Variants in GNAZ observed in about 807,000 individuals in gnomAD.
The protein encoded by GNAZ is G protein subunit alpha z, also known as guanine nucleotide-binding protein G(z) subunit alpha.
A neutral mutation model predicts 25.4 loss-of-function variants in GNAZ; 3 were observed. That is an observed-to-expected ratio of 0.12 (90% confidence interval 0.05 to 0.30). GNAZ has a LOEUF of 0.30. Ranked by LOEUF, GNAZ falls within the 10% of genes least tolerant of loss-of-function variation. The probability of loss-of-function intolerance (pLI) is 1.00; values close to 1 mark genes in which losing one functional copy is unlikely to be tolerated. For synonymous variants in GNAZ, 211 were observed against 205.7 expected, an observed-to-expected ratio of 1.03 and a Z score of -0.22; for missense variants, 241 against 501.8, an observed-to-expected ratio of 0.48 and a Z score of 4.97.
At position 23,080,414 on chromosome 22, in the gene GNAZ, G is replaced by C. The variant is rs527337054; in HGVS notation, c.-450+9844G>C. ...CCTTCCTTTAGCAGAAGGACACTGGGAGGCCCAGCCGGGGCATAGCCTGGG... is the reference window on the plus strand; with the variant it reads ...CCTTCCTTTAGCAGAAGGACACTGGCAGGCCCAGCCGGGGCATAGCCTGGG... On this transcript the variant is annotated intron_variant, in intron 1 of 2. Transcript: ENST00000615612. Among the ~76,000 whole-genome samples the C allele has an allele frequency of 1.3e-3, 200 of 152,334 alleles. 1 individual carries two copies. Among genetic ancestry groups the C allele is most frequent in the Non-Finnish European group, 2.3e-3 (156 of 68,026 alleles).
intron 2 of GNAZ, among the ~76,000 whole-genome samples, chr22:23,097,300 T>C (rs1408120911): frequency 2.6e-5 from 4 of 152,218 alleles, no homozygotes; most frequent in Non-Finnish European, 5.9e-5. Flanking sequence ...GGTCACTCCT[T>C]GCTTCACCCA....
chr22:23,079,230 G>A (rs557122373), intron 1 of GNAZ, among the ~76,000 whole-genome samples: 64 of 152,372 alleles, frequency 4.2e-4, no homozygotes, highest in Admixed American at 7.8e-4. Flanking sequence ...CACGTGGTGT[G>A]GCTGTGTGCG....
At chr22:23,111,323 G>C (rs980387823) in intron 2 of GNAZ, among the ~76,000 whole-genome samples, 1 of 152,218 alleles carries the variant, frequency 6.6e-6, no homozygotes, top group Non-Finnish European at 1.5e-5. Flanking sequence ...AGGGGGTGCG[G>C]CCACAAATCT....
At chr22:23,107,468 G>C (rs1569179906) in intron 2 of GNAZ, among the ~76,000 whole-genome samples, 1 of 152,212 alleles carries the variant, frequency 6.6e-6, no homozygotes, top group Admixed American at 6.5e-5. Flanking sequence ...CAGGGCCTGA[G>C]AGTGTCTGAG....
intron 2 of GNAZ, among the ~76,000 whole-genome samples, chr22:23,111,148 C>T (rs1391634623): frequency 6.6e-6 from 1 of 152,226 alleles, no homozygotes; most frequent in African/African-American, 2.4e-5. Context: ...CACACTGAGC[C>T]TCTGCCGGGG....
At chr22:23,106,303 C>T (rs1269141668) in intron 2 of GNAZ, among the ~76,000 whole-genome samples, 1 of 152,260 alleles carries the variant, frequency 6.6e-6, no homozygotes, top group Non-Finnish European at 1.5e-5. Context: ...TGCTGGAGAA[C>T]AGCAGCCACC....
intron 2 of GNAZ, among the ~76,000 whole-genome samples, chr22:23,111,937 T>G (rs1476022796): frequency 6.6e-6 from 1 of 152,152 alleles, no homozygotes; most frequent in Non-Finnish European, 1.5e-5. Flanking sequence ...ACTAGGAGCA[T>G]GTTCTGAGAA....
intron 1 of GNAZ, among the ~76,000 whole-genome samples, chr22:23,070,976 G>A (rs891551738): frequency 6.6e-6 from 1 of 152,132 alleles, no homozygotes; most frequent in Non-Finnish European, 1.5e-5. Context: ...CTCCCTAGGG[G>A]GAGGATCAGG....
chr22:23,122,918 G>A (rs1225448082), intron 2 of GNAZ, among the ~76,000 whole-genome samples, 169 bp from the exon 3 acceptor site: 1 of 152,198 alleles, frequency 6.6e-6, no homozygotes, highest in African/African-American at 2.4e-5. Context: ...TTCCGTGGGA[G>A]GTGGGTGAAG....
At chr22:23,099,658 A>G (rs2069237631) in intron 2 of GNAZ, among the ~76,000 whole-genome samples, 1 of 152,192 alleles carries the variant, frequency 6.6e-6, no homozygotes, top group African/African-American at 2.4e-5. Context: ...CACAGGACCC[A>G]CCACGGGCCT....
At chr22:23,109,526 T>G (rs901299345) in intron 2 of GNAZ, among the ~76,000 whole-genome samples, 2 of 152,032 alleles carry the variant, frequency 1.3e-5, no homozygotes, top group African/African-American at 4.8e-5. Context: ...AGAGCATGGG[T>G]ACCCAGGGCC....
intron 2 of GNAZ, among the ~76,000 whole-genome samples, chr22:23,109,773 G>A (rs555302630): frequency 6.6e-6 from 1 of 152,316 alleles, no homozygotes; most frequent in Admixed American, 6.5e-5. Flanking sequence ...CCCCAGCCCT[G>A]GAAGCTGTGG....
At chr22:23,086,023 G>A (rs1412465423) in intron 1 of GNAZ, among the ~76,000 whole-genome samples, 9 of 152,370 alleles carry the variant, frequency 5.9e-5, no homozygotes, top group African/African-American at 2.4e-5. Flanking sequence ...TCCCGCCCCT[G>A]GCTAGTGGCA....
At chr22:23,072,698 T>C (rs2068410019) in intron 1 of GNAZ, among the ~76,000 whole-genome samples, 1 of 152,244 alleles carries the variant, frequency 6.6e-6, no homozygotes, top group South Asian at 2.1e-4. Context: ...TGCTGTGCTC[T>C]GTGCCTGTCG....
intron 2 of GNAZ, among the ~76,000 whole-genome samples, chr22:23,116,797 G>A (rs1324088106): frequency 1.3e-5 from 2 of 151,846 alleles, no homozygotes; most frequent in African/African-American, 4.8e-5. Flanking sequence ...AGTGGGGTGT[G>A]GGGAGGTGTT....
At chr22:23,100,885 C>T (rs886520853) in intron 2 of GNAZ, among the ~76,000 whole-genome samples, 6 of 152,170 alleles carry the variant, frequency 3.9e-5, no homozygotes, top group South Asian at 2.1e-4. Flanking sequence ...TGCCCAAGGC[C>T]GTCCTGTGAA....
At chr22:23,074,754 C>T (rs964147336) in intron 1 of GNAZ, among the ~76,000 whole-genome samples, 4 of 152,100 alleles carry the variant, frequency 2.6e-5, no homozygotes, top group African/African-American at 7.2e-5. Flanking sequence ...AGTGGCGCCT[C>T]GGGAGGCTGG....
At chr22:23,112,906 C>T (rs2069694733) in intron 2 of GNAZ, among the ~76,000 whole-genome samples, 1 of 152,184 alleles carries the variant, frequency 6.6e-6, no homozygotes, top group Non-Finnish European at 1.5e-5. Context: ...GCAGAGCTAC[C>T]CCATGCTGTG....
At chr22:23,074,813 C>T (rs2068470962) in intron 1 of GNAZ, among the ~76,000 whole-genome samples, 1 of 152,112 alleles carries the variant, frequency 6.6e-6, no homozygotes, top group Admixed American at 6.5e-5. Flanking sequence ...GCAGGCAGGG[C>T]ATGCCCAGGG....
Sources: allele counts gnomAD v4.1 joint callset (sites outside exome capture counted in the v4.1 genomes callset), GRCh38; gene constraint gnomAD v4.1.1; transcripts MANE v1.5; gene names NCBI Gene and HGNC (gene_info 2026-07-23, HGNC 2026-07-21).